FRY: variants seen among roughly 807,000 people sequenced by gnomAD.
FRY encodes the protein protein furry homolog.
Under a neutral mutation model 348.4 loss-of-function variants are expected in FRY, and 128 were observed. The ratio of observed to expected loss-of-function variants is 0.37; its 90% CI spans 0.32 to 0.43. FRY has a LOEUF of 0.43. Ranked by LOEUF, FRY falls within the 20% of genes least tolerant of loss-of-function variation. FRY has a pLI of 1.00. For missense variants in FRY, 2,736 were observed against 3,695.2 expected (o/e 0.74, Z 6.73); for synonymous variants, 1,370 against 1,374.7 (o/e 1.00, Z 0.08).
intron 46 of FRY, among the ~76,000 whole-genome samples, chr13:32,241,503 C>A (rs894100274): frequency 6.6e-6 from 1 of 152,014 alleles, no homozygotes; most frequent in Admixed American, 6.5e-5. Context: ...CAGGGCAGTT[C>A]GTAGTGGAGA....
intron 10 of FRY, 150 bp downstream of exon 10, chr13:32,135,333 T>G: frequency 1.5e-6 from 1 of 670,416 alleles, no homozygotes; most frequent in South Asian, 1.7e-5. Context: ...AAACTGAAGC[T>G]GGCTTTTTGT....
At chr13:32,203,068 T>C (rs80264649) in intron 31 of FRY, among the ~76,000 whole-genome samples, 2 of 152,228 alleles carry the variant, frequency 1.3e-5, no homozygotes, top group Non-Finnish European at 2.9e-5. Context: ...GAAAAAAATT[T>C]CTTTATCTAA....
rs769392074 is a variant in FRY, at chr13:32,136,999, T to C, written c.1179+27T>C. 26 of 1,290,782 alleles carry C rather than the reference T, an allele frequency of 2.0e-5. No individual in the cohort carries two copies. The East Asian group carries it at 6.0e-4, about 30-fold the overall frequency. The allele number at this position is 1,290,782 out of a possible 1,614,324, so 80.0% of individuals were successfully genotyped here. On this transcript the variant is annotated intron_variant, in intron 11 of 60. Transcript: ENST00000542859. ...TTAGTATTTGTCAGCTCAAAAACGA[T>C]CTCTTTAAAAAATTTACAGTAGTTT...
chr13:32,217,571 C>T (rs1885067968), intron 35 of FRY, among the ~76,000 whole-genome samples: 1 of 152,034 alleles, frequency 6.6e-6, no homozygotes, highest in Admixed American at 6.6e-5. Context: ...GAAATAAGTT[C>T]CCCAGGGAGG....
chr13:32,076,529 C>T (rs80256768), intron 1 of FRY, among the ~76,000 whole-genome samples: 5,143 of 152,240 alleles, frequency 0.034, 90 homozygotes, highest in African/African-American at 0.038. Context: ...CAATATGCCC[C>T]TTTGGAATAA....
At position 32,266,369 on chromosome 13, in the gene FRY, C is replaced by T. The variant is rs374538909; in HGVS notation, c.7946+753C>T. On this transcript the variant is annotated intron_variant, in intron 54 of 60. Transcript: ENST00000542859. ...TCTTTCTTCCTGCCTCTCTGTCTCACTTTCCCTGCGTATCTCTGGTTTCCT... is the reference window on the plus strand; with the variant it reads ...TCTTTCTTCCTGCCTCTCTGTCTCATTTTCCCTGCGTATCTCTGGTTTCCT... Among the ~76,000 whole-genome samples, 3 of 152,328 alleles carry T rather than the reference C, an allele frequency of 2.0e-5. No homozygotes were observed. In the East Asian group the frequency reaches 5.8e-4, roughly 29 times the overall value.
intron 53 of FRY, among the ~76,000 whole-genome samples, chr13:32,264,048 C>T (rs1024101031): frequency 6.6e-6 from 1 of 152,042 alleles, no homozygotes; most frequent in Non-Finnish European, 1.5e-5. Context: ...CTCATCCTAC[C>T]AAGGAAAAGT....
intron 35 of FRY, among the ~76,000 whole-genome samples, chr13:32,212,991 A>G (rs566039413): frequency 6.6e-6 from 1 of 152,292 alleles, no homozygotes; most frequent in African/African-American, 2.4e-5. Context: ...AAGAGCAGGG[A>G]GACAAACCAG....
At chr13:32,215,888 T>A (rs1365033346) in intron 35 of FRY, among the ~76,000 whole-genome samples, 6 of 152,224 alleles carry the variant, frequency 3.9e-5, no homozygotes, top group African/African-American at 1.4e-4. Context: ...TTTCAATATA[T>A]CAATCTTAAT....
intron 1 of FRY, among the ~76,000 whole-genome samples, chr13:32,059,763 G>A (rs1007697784): frequency 1.3e-5 from 2 of 152,046 alleles, no homozygotes; most frequent in African/African-American, 4.8e-5. Flanking sequence ...AGAATGAGAA[G>A]GACTTTACCC....
chr13:32,147,531 G>A (rs1880532459), intron 12 of FRY, 146 bp downstream of exon 12: 1 of 695,296 alleles, frequency 1.4e-6, no homozygotes, highest in Non-Finnish European at 2.6e-6. Flanking sequence ...ACATTTTCAG[G>A]CTTTCCATAG....
intron 2 of FRY, among the ~76,000 whole-genome samples, chr13:32,097,215 C>A (rs1221454636): frequency 6.6e-6 from 1 of 152,186 alleles, no homozygotes; most frequent in Admixed American, 6.5e-5. Flanking sequence ...ATGTGAACTC[C>A]TGAGTTGTTG....
At chr13:32,105,730 A>G (rs947700429) in intron 3 of FRY, among the ~76,000 whole-genome samples, 1 of 152,192 alleles carries the variant, frequency 6.6e-6, no homozygotes, top group African/African-American at 2.4e-5. Context: ...TGTGATAGGT[A>G]CTATGCTAAG....
chr13:32,075,319 A>T (rs899715904), intron 1 of FRY, among the ~76,000 whole-genome samples: 11 of 152,224 alleles, frequency 7.2e-5, no homozygotes, highest in African/African-American at 2.7e-4. Flanking sequence ...ACAGCAGTCA[A>T]AGCCCTCAAG....
intron 50 of FRY, among the ~76,000 whole-genome samples, chr13:32,253,301 A>G (rs544545104): frequency 6.6e-6 from 1 of 152,332 alleles, no homozygotes; most frequent in Admixed American, 6.5e-5. Flanking sequence ...ATCATATACT[A>G]TTCTTAAACA....
intron 40 of FRY, among the ~76,000 whole-genome samples, chr13:32,230,112 GT>G (rs1457402916): frequency 6.6e-6 from 1 of 152,170 alleles, no homozygotes; most frequent in African/African-American, 2.4e-5. Context: ...ATGCAGGTTT[GT>G]TACATAGGTA....
chr13:32,243,853 G>A (rs1412462029), intron 46 of FRY, among the ~76,000 whole-genome samples, 189 bp from the exon 47 acceptor site: 2 of 152,068 alleles, frequency 1.3e-5, no homozygotes, highest in East Asian at 3.9e-4. Flanking sequence ...AGATACTTTC[G>A]AGCTGAGGCA....
intron 2 of FRY, among the ~76,000 whole-genome samples, chr13:32,095,670 T>C (rs1199294046): frequency 6.6e-6 from 1 of 152,176 alleles, no homozygotes; most frequent in Non-Finnish European, 1.5e-5. Context: ...TAACTTGATG[T>C]GATCCCATTT....
At chr13:32,231,479 C>T (rs369668267) in intron 41 of FRY, among the ~76,000 whole-genome samples, 179 bp downstream of exon 41, 1 of 152,140 alleles carries the variant, frequency 6.6e-6, no homozygotes, top group African/African-American at 2.4e-5. Context: ...GTATTTAATG[C>T]CGTGTATATT....
Sources: gnomAD v4.1 joint callset for allele counts (sites outside exome capture counted in the v4.1 genomes callset) on GRCh38, gnomAD v4.1.1 for gene constraint, MANE v1.5 for transcripts, NCBI Gene and HGNC (gene_info 2026-07-23, HGNC 2026-07-21) for gene names.